PLEKHM1: variants seen among roughly 807,000 people sequenced by gnomAD.
The protein encoded by PLEKHM1 is pleckstrin homology domain-containing family M member 1.
Under a neutral mutation model 94.3 loss-of-function variants are expected in PLEKHM1, and 28 were observed. The ratio of observed to expected loss-of-function variants is 0.30; its 90% CI spans 0.22 to 0.41. The LOEUF is 0.41. PLEKHM1 is among the 10% of genes least tolerant of loss of function. The pLI, the probability that PLEKHM1 is intolerant of heterozygous loss-of-function variation, is 1.00. For synonymous variants in PLEKHM1, 424 were observed against 581.2 expected, an observed-to-expected ratio of 0.73 and a Z score of 3.89; for missense variants, 907 against 1,358.6, an observed-to-expected ratio of 0.67 and a Z score of 5.22.
At chr17:45,479,924 G>T (rs1164859738) in intron 2 of PLEKHM1, among the ~76,000 whole-genome samples, 2 of 152,208 alleles carry the variant, frequency 1.3e-5, no homozygotes, top group Non-Finnish European at 2.9e-5. Flanking sequence ...TCACATAAGT[G>T]ATTGGAAAAG....
chr17:45,467,804 A>C (rs2051363443), intron 5 of PLEKHM1, among the ~76,000 whole-genome samples: 1 of 152,208 alleles, frequency 6.6e-6, no homozygotes, highest in Non-Finnish European at 1.5e-5. Flanking sequence ...TTAATTTAAT[A>C]ATAACAAGTA....
At chr17:45,440,276 C>A (rs1211379956) in intron 9 of PLEKHM1, 50 bp from the exon 10 acceptor site, 3 of 1,580,916 alleles carry the variant, frequency 1.9e-6, no homozygotes, top group Non-Finnish European at 2.6e-6. Flanking sequence ...AGAACCCAGG[C>A]TAGCCTGTGT....
Position 45,478,102 on chromosome 17 carries a change from G to A in PLEKHM1, c.94C>T (p.Gln32Ter), listed in dbSNP as rs1304090710. 1.9e-6 allele frequency: 3 copies of A among 1,614,106 alleles called. No homozygotes were observed. The highest frequency in any genetic ancestry group is 2.5e-6 in the Non-Finnish European group (3 of 1,180,042). The change falls in exon 3 of 12, where the codon CAG (glutamine) becomes TAG (stop). Residue 32 changes from glutamine to a stop codon, truncating the protein, a stop_gained. Coordinates refer to ENST00000430334, the MANE Select transcript of PLEKHM1 (RefSeq NM_014798.3). LOFTEE classifies it high-confidence loss of function. ...ACCACCGTGTCCAGGGACACGTACTGCTTCTGCAAGGCCTTCACGGATCCC... is the reference window on the plus strand; with the variant it reads ...ACCACCGTGTCCAGGGACACGTACTACTTCTGCAAGGCCTTCACGGATCCC... ...LVGSVKALQK[Q>*]YVSLDTVVTS...
intron 1 of PLEKHM1, chr17:45,487,692 GAAGCAAAAA>G (rs1342170685): frequency 2.2e-6 from 1 of 455,754 alleles, no homozygotes; most frequent in Non-Finnish European, 4.4e-6. Context: ...AGAGATCAAG[GAAGCAAAAA>G]AAGAGAATGA....
intron 4 of PLEKHM1, among the ~76,000 whole-genome samples, chr17:45,472,831 G>C (rs545288728): frequency 6.6e-6 from 1 of 152,172 alleles, no homozygotes; most frequent in African/African-American, 2.4e-5. Flanking sequence ...ACCACCCAAC[G>C]CTGGTGCTCT....
intron 6 of PLEKHM1, among the ~76,000 whole-genome samples, chr17:45,457,427 G>A (rs2050995625): frequency 6.6e-6 from 1 of 152,038 alleles, no homozygotes; most frequent in Admixed American, 6.6e-5. Context: ...AGGCATGGTG[G>A]CTCATGCCTG....
In PLEKHM1 at chr17:45,484,598, C is replaced by T. The variant is rs2052052116; in HGVS notation, c.-41-2073G>A. On this transcript the variant is annotated intron_variant, in intron 1 of 11. Transcript: ENST00000430334. Reference sequence around the variant, plus strand: ...TAAAAATCAAGCTGTACCCCAATCACCTTGGGCACATGTTCTCAGGACCTC... The same window carrying T: ...TAAAAATCAAGCTGTACCCCAATCATCTTGGGCACATGTTCTCAGGACCTC... Among the ~76,000 whole-genome samples, 4 of 152,234 alleles carry T rather than the reference C, an allele frequency of 2.6e-5. No individual in the cohort carries two copies. In the South Asian group the frequency reaches 8.3e-4, roughly 32 times the overall value.
Position 45,453,616 on chromosome 17 carries a change from A to G in PLEKHM1, c.2236T>C (p.Phe746Leu). The change falls in exon 7 of 12, where the codon TTC (phenylalanine) becomes CTC (leucine). Residue 746 changes from phenylalanine to leucine, a missense_variant. By Grantham distance (22) the Phe-to-Leu change is conservative. Coordinates refer to ENST00000430334, the MANE Select transcript of PLEKHM1 (RefSeq NM_014798.3). The surrounding 1 kb of genome is among the most constrained non-coding windows in gnomAD (Gnocchi z 4.1). ...PDTSLGGPSF[F>L]KIITAKAVLK... ...ACAGCCTTGGCCGTGATGATTTTGA[A>G]GAAGGATGGGCCCCCAAGGCTGGTG... 7.5e-6 allele frequency: 12 copies of G among 1,607,840 alleles called. No individual in the cohort carries two copies. Among genetic ancestry groups the G allele is most frequent in the Non-Finnish European group, 1.0e-5 (12 of 1,176,962 alleles).
chr17:45,465,587 G>A (rs2051295016), intron 5 of PLEKHM1, among the ~76,000 whole-genome samples: 2 of 152,116 alleles, frequency 1.3e-5, no homozygotes, highest in Non-Finnish European at 2.9e-5. Context: ...GTAGGCATCT[G>A]TAATCCCAGC....
intron 1 of PLEKHM1, among the ~76,000 whole-genome samples, chr17:45,488,529 AAAC>A (rs1268712117): frequency 6.6e-6 from 1 of 152,162 alleles, no homozygotes. Context: ...ATAAGGCTGA[AAAC>A]AACTTAAATA....
intron 6 of PLEKHM1, 98 bp downstream of exon 6, chr17:45,458,071 C>T (rs2051021732): frequency 1.1e-6 from 1 of 890,936 alleles, no homozygotes; most frequent in Non-Finnish European, 1.8e-6. Context: ...TGGGAACACA[C>T]TACCCCTTTA....
chr17:45,486,980 T>C (rs2052151348), intron 1 of PLEKHM1, among the ~76,000 whole-genome samples: 1 of 152,194 alleles, frequency 6.6e-6, no homozygotes, highest in Non-Finnish European at 1.5e-5. Flanking sequence ...TTCCACTTTC[T>C]GTCCTCAAAA....
rs770172393 is a variant in PLEKHM1, at chr17:45,453,534, C to T, written c.2318G>A (p.Arg773His). The change falls in exon 7 of 12, where the codon CGC (arginine) becomes CAC (histidine). Residue 773 changes from arginine (R) to histidine (H), a missense_variant. By Grantham distance (29) the Arg-to-His change is conservative. Around this residue, in one of 3 missense-constraint regions of PLEKHM1, gnomAD observed 254 missense variants for 451.1 expected, o/e 0.56. Coordinates refer to ENST00000430334, the MANE Select transcript of PLEKHM1 (RefSeq NM_014798.3). This position sits in a 1 kb window ranked among gnomAD's most constrained non-coding sequence, Gnocchi z 4.1. ...EEAALWRDLV[R>H]KVLASYLETA... ...CTCCAAGTAGGATGCCAGGACTTTGCGGACCAGATCCCTCCACAGGGCGGC... is the reference window on the plus strand; with the variant it reads ...CTCCAAGTAGGATGCCAGGACTTTGTGGACCAGATCCCTCCACAGGGCGGC... 1.6e-5 allele frequency: 26 copies of T among 1,606,640 alleles called. No individual in the cohort carries two copies. The highest frequency in any genetic ancestry group is 2.0e-5 in the Non-Finnish European group (23 of 1,175,906).
chr17:45,461,953 C>G (rs2051163675), intron 5 of PLEKHM1, among the ~76,000 whole-genome samples: 1 of 152,148 alleles, frequency 6.6e-6, no homozygotes, highest in South Asian at 2.1e-4. Context: ...CTGGGCCACT[C>G]TAAGTGGCTG....
chr17:45,445,480 G>C lies in PLEKHM1; in HGVS notation c.2827C>G (p.Leu943Val). Residue 943 changes from leucine (L) to valine (V), a missense_variant, in exon 9 of 12, where the codon CTC (leucine) becomes GTC (valine). Transcript: ENST00000430334. This position sits in a 1 kb window ranked among gnomAD's most constrained non-coding sequence, Gnocchi z 4.2. ...GTAGAGGTTGCTCACCTCTTGCTGA[G>C]CTCCTTCAGGGCGCCACTCCGGCAC... ...GLCRSGALKE[L>V]SKRLNHRNYL... 1 of 1,613,656 alleles carries C rather than the reference G, an allele frequency of 6.2e-7. No homozygotes were observed. The highest frequency in any genetic ancestry group is 1.3e-5 in the African/African-American group (1 of 75,068).
chr17:45,470,544 AC>A (rs201276377), intron 4 of PLEKHM1, among the ~76,000 whole-genome samples: 3,544 of 151,692 alleles, frequency 0.023, no homozygotes, highest in African/African-American at 0.076. Flanking sequence ...CAGGAGAATC[AC>A]TTGAACCCGG....
chr17:45,464,178 C>T (rs2051245548), intron 5 of PLEKHM1: 1 of 152,196 alleles, frequency 6.6e-6, no homozygotes. Context: ...CTACTCCCTG[C>T]ACCTCTCCTT....
At chr17:45,481,532 T>TAAGGCATACCCTCAAGA (rs1340220954) in intron 2 of PLEKHM1, among the ~76,000 whole-genome samples, 4 of 148,670 alleles carry the variant, frequency 2.7e-5, no homozygotes, top group East Asian at 3.9e-4. Flanking sequence ...CAGGGAGAAA[T>TAAGGCATACCCTCAAGA]AAGGCATACC....
In PLEKHM1 at chr17:45,444,973, C is replaced by T. The variant is rs1387222921; in HGVS notation, c.2837+497G>A. ...CCTGTCTCCCTCTCACCCTCACCCC[C>T]GGATGGAGTTGCTGGCTTTCCTACT... On this transcript the variant is annotated intron_variant, in intron 9 of 11. Coordinates refer to ENST00000430334, the MANE Select transcript of PLEKHM1 (RefSeq NM_014798.3). The surrounding 1 kb of genome is among the most constrained non-coding windows in gnomAD (Gnocchi z 5.0). Among the ~76,000 whole-genome samples, 2 of 152,142 alleles carry T rather than the reference C, an allele frequency of 1.3e-5. No individual in the cohort carries two copies. The highest frequency in any genetic ancestry group is 2.9e-5 in the Non-Finnish European group (2 of 68,024).
Sources: allele counts gnomAD v4.1 joint callset (sites outside exome capture counted in the v4.1 genomes callset), GRCh38; gene constraint gnomAD v4.1.1; regional missense constraint gnomAD v4.1.1; non-coding constraint Gnocchi (gnomAD v3.1); transcripts MANE v1.5; gene names NCBI Gene and HGNC (gene_info 2026-07-23, HGNC 2026-07-21).